ROR1: variants seen among roughly 807,000 people sequenced by gnomAD.
ROR1 encodes the protein inactive tyrosine-protein kinase transmembrane receptor ROR1.
A neutral mutation model predicts 78.8 loss-of-function variants in ROR1; 19 were observed. The observed-to-expected ratio is 0.24, with a 90% confidence interval of 0.17 to 0.35. The LOEUF is 0.35. Among genes scored for constraint, ROR1 ranks in the 10% least tolerant of loss-of-function variants. The pLI is 1.00. For synonymous variants in ROR1, 386 were observed against 433.6 expected, an observed-to-expected ratio of 0.89 and a Z score of 1.36; for missense variants, 917 against 1,177.8, an observed-to-expected ratio of 0.78 and a Z score of 3.24.
chr1:63,902,097 G>T (rs954183766), intron 1 of ROR1, among the ~76,000 whole-genome samples: 1 of 152,094 alleles, frequency 6.6e-6, no homozygotes, highest in Non-Finnish European at 1.5e-5. Context: ...GGACTTCAAG[G>T]CTTTTTTGAA....
intron 4 of ROR1, among the ~76,000 whole-genome samples, chr1:64,128,370 A>G (rs1337660103): frequency 6.6e-6 from 1 of 151,798 alleles, no homozygotes; most frequent in Non-Finnish European, 1.5e-5. Context: ...TCAGGAGGCT[A>G]AGGCAGGAGA....
rs1409367501 is a variant in ROR1 at position 64,049,799 on chromosome 1, G to C, written c.272G>C (p.Trp91Ser). The C allele has an allele frequency of 6.2e-7, 1 of 1,614,182 alleles. No individual in the cohort carries two copies. ...GGGAATCCACCTCCCACCATCCGCT[G>C]GTTCAAAAATGATGCTCCTGTGGTC... ...VSGNPPPTIR[W>S]FKNDAPVVQE... The change falls in exon 3 of 9, where the codon TGG (tryptophan) becomes TCG (serine). Residue 91 changes from tryptophan to serine, a missense_variant. Trp to Ser is a radical substitution (Grantham distance 177). This residue lies in a region of ROR1 where 835 missense variants were observed against 1,069.8 expected (regional missense o/e 0.78). Coordinates refer to ENST00000371079, the MANE Select transcript of ROR1 (RefSeq NM_005012.4).
At chr1:64,097,571 T>G (rs1647346930) in intron 4 of ROR1, among the ~76,000 whole-genome samples, 1 of 91,086 alleles carries the variant, frequency 1.1e-5, no homozygotes, top group Non-Finnish European at 2.0e-5. Context: ...ACATATTTCA[T>G]ATAGTATATA....
At chr1:63,884,877 G>T (rs1441616683) in intron 1 of ROR1, among the ~76,000 whole-genome samples, 1 of 151,862 alleles carries the variant, frequency 6.6e-6, no homozygotes, top group East Asian at 1.9e-4. Flanking sequence ...AGGCACCAAG[G>T]TAACCTGGAG....
At chr1:63,865,334 T>C (rs961677799) in intron 1 of ROR1, among the ~76,000 whole-genome samples, 1 of 152,182 alleles carries the variant, frequency 6.6e-6, no homozygotes, top group African/African-American at 2.4e-5. Context: ...ATGCTTTTGG[T>C]CTAAATGAGT....
intron 1 of ROR1, among the ~76,000 whole-genome samples, chr1:63,909,380 G>A (rs1333739623): frequency 6.6e-6 from 1 of 152,150 alleles, no homozygotes; most frequent in East Asian, 1.9e-4. Flanking sequence ...TGCACTTGAA[G>A]AAAAGTAGTA....
At chr1:63,837,431 A>G (rs992746939) in intron 1 of ROR1, among the ~76,000 whole-genome samples, 10 of 151,976 alleles carry the variant, frequency 6.6e-5, no homozygotes, top group African/African-American at 2.2e-4. Flanking sequence ...TACCTATTCT[A>G]CTCATTTCAT....
At chr1:64,133,654 G>A (rs1042068375) in intron 4 of ROR1, among the ~76,000 whole-genome samples, 3 of 152,226 alleles carry the variant, frequency 2.0e-5, no homozygotes, top group African/African-American at 7.2e-5. Flanking sequence ...TGAGGCAGCG[G>A]CGCACGCTGG....
intron 1 of ROR1, among the ~76,000 whole-genome samples, chr1:63,919,710 T>C (rs554345698): frequency 6.6e-5 from 10 of 152,262 alleles, no homozygotes; most frequent in African/African-American, 2.2e-4. Context: ...CTTTGTTCAA[T>C]TGGGGATCAT....
At chr1:63,967,589 CCT>C (rs777473632) in intron 1 of ROR1, among the ~76,000 whole-genome samples, 1 of 152,182 alleles carries the variant, frequency 6.6e-6, no homozygotes, top group African/African-American at 2.4e-5. Context: ...GTTGGGTTCA[CCT>C]CTATTTCCAG....
At chr1:63,969,935 C>T (rs1321714872) in intron 1 of ROR1, among the ~76,000 whole-genome samples, 2 of 152,088 alleles carry the variant, frequency 1.3e-5, no homozygotes, top group Non-Finnish European at 2.9e-5. Flanking sequence ...AGTCTAATTA[C>T]CTGCCCTCTT....
At chr1:63,994,271 T>A (rs1369242670) in intron 1 of ROR1, among the ~76,000 whole-genome samples, 2 of 152,154 alleles carry the variant, frequency 1.3e-5, no homozygotes, top group African/African-American at 2.4e-5. Flanking sequence ...TGAGCTGCAA[T>A]AATTTTGTCT....
At chr1:64,119,185 G>A (rs1020681297) in intron 4 of ROR1, among the ~76,000 whole-genome samples, 16 of 152,122 alleles carry the variant, frequency 1.1e-4, no homozygotes, top group African/African-American at 1.2e-4. Context: ...GAATTTTGGC[G>A]TTTATTGTTT....
rs560525866 is a variant in ROR1 at position 63,912,068 on chromosome 1, C to T, written c.92-97237C>T. Among the ~76,000 whole-genome samples the T allele has an allele frequency of 1.5e-3, 227 of 149,298 alleles. 3 individuals carry two copies. The highest frequency in any genetic ancestry group is 5.4e-3 in the African/African-American group (218 of 40,626). On this transcript the variant is annotated intron_variant, in intron 1 of 8. Coordinates refer to ENST00000371079, the MANE Select transcript of ROR1 (RefSeq NM_005012.4). ...TTGGAAGACCAAGGTGGAAGGCTCA[C>T]TTGAGCCCAGAAGTTTGAGACCAAC... is the stretch of plus-strand genomic sequence containing the variant.
At chr1:63,931,746 G>C (rs1645754392) in intron 1 of ROR1, among the ~76,000 whole-genome samples, 1 of 152,076 alleles carries the variant, frequency 6.6e-6, no homozygotes, top group South Asian at 2.1e-4. Flanking sequence ...ACTCATCTTG[G>C]TATCACAGTG....
rs995995212 is a variant in ROR1, at chr1:64,179,495, C to A, written c.*640C>A. 2 of 152,252 alleles carry A rather than the reference C, an allele frequency of 1.3e-5. No individual in the cohort carries two copies. The highest frequency in any genetic ancestry group is 3.9e-4 in the East Asian group (2 of 5,160). The allele number at this position is 152,252 out of a possible 1,614,324, so 9.4% of individuals were successfully genotyped here. A position where few individuals can be genotyped will look rare whatever the true frequency, so the allele number is the denominator to read the frequency against. ...TGTAGAGTGTGCCTTTTTGTGAATCCTCCTCTGATCATGAGGGTCTTTCCC... is the reference window on the plus strand; with the variant it reads ...TGTAGAGTGTGCCTTTTTGTGAATCATCCTCTGATCATGAGGGTCTTTCCC... On this transcript the variant is annotated 3_prime_UTR_variant, in exon 9 of 9. Coordinates refer to ENST00000371079, the MANE Select transcript of ROR1 (RefSeq NM_005012.4).
chr1:63,924,932 CTTTTTT>C (rs751680204), intron 1 of ROR1, among the ~76,000 whole-genome samples: 10 of 85,030 alleles, frequency 1.2e-4, no homozygotes, highest in African/African-American at 3.9e-4. Flanking sequence ...AAAGGGGATG[CTTTTTT>C]TTTTTTTTTT....
chr1:64,164,275 A>G (rs1306455885), intron 8 of ROR1, among the ~76,000 whole-genome samples: 2 of 152,172 alleles, frequency 1.3e-5, no homozygotes, highest in Non-Finnish European at 2.9e-5. Context: ...CCAAAAGTCC[A>G]TACTATCGGG....
At chr1:64,077,326 A>C (rs903803498) in intron 4 of ROR1, among the ~76,000 whole-genome samples, 1 of 152,228 alleles carries the variant, frequency 6.6e-6, no homozygotes, top group African/African-American at 2.4e-5. Flanking sequence ...ATCAGAATGA[A>C]ATGTCCACTG....
Sources: allele counts gnomAD v4.1 joint callset (sites outside exome capture counted in the v4.1 genomes callset), GRCh38; gene constraint gnomAD v4.1.1; regional missense constraint gnomAD v4.1.1; transcripts MANE v1.5; gene names NCBI Gene and HGNC (gene_info 2026-07-23, HGNC 2026-07-21).